YIPF1: variants seen among roughly 807,000 people sequenced by gnomAD.
YIPF1 encodes Yip1 domain family member 1.
YIPF1 carries 22 observed loss-of-function variants against 37.0 expected under a neutral mutation model. The ratio of observed to expected loss-of-function variants is 0.59; its 90% CI spans 0.42 to 0.85. YIPF1 has a LOEUF of 0.85. Among genes scored for constraint, YIPF1 ranks in the 40% least tolerant of loss-of-function variants. YIPF1 has a pLI of 0.00. For synonymous variants in YIPF1, 128 were observed against 131.9 expected, an observed-to-expected ratio of 0.97 and a Z score of 0.21; for missense variants, 355 against 373.1, an observed-to-expected ratio of 0.95 and a Z score of 0.40.
chr1:53,851,875 G>C lies in YIPF1; in HGVS notation c.*404C>G, dbSNP rs1276141662. ...CAGGATGGCTAACATTTGGAGAGAAGAGGATCCCCCAGGTAGTCTGTACAT... is the reference window on the plus strand; with the variant it reads ...CAGGATGGCTAACATTTGGAGAGAACAGGATCCCCCAGGTAGTCTGTACAT... On this transcript the variant is annotated 3_prime_UTR_variant, in exon 11 of 11. Transcript: ENST00000072644. 6.6e-6 allele frequency: 1 copy of C among 152,202 alleles called. No homozygotes were observed. Among genetic ancestry groups the C allele is most frequent in the East Asian group, 1.9e-4 (1 of 5,192 alleles). The allele number at this position is 152,202 out of a possible 1,614,324, so 9.4% of individuals were successfully genotyped here.
chr1:53,860,232 A>G (rs948223319), intron 9 of YIPF1, 79 bp from the exon 10 acceptor site: 3 of 1,376,936 alleles, frequency 2.2e-6, no homozygotes, highest in African/African-American at 1.4e-5. Context: ...CCATGCTAAC[A>G]GTACTTTTGG....
At chr1:53,876,636 T>C (rs533992183) in intron 6 of YIPF1, among the ~76,000 whole-genome samples, 2 of 152,302 alleles carry the variant, frequency 1.3e-5, no homozygotes, top group East Asian at 1.9e-4. Context: ...AGCTACAGTG[T>C]TGATTTGAAA....
At chr1:53,885,204 A>T (rs1441761732) in intron 3 of YIPF1, among the ~76,000 whole-genome samples, 1 of 152,240 alleles carries the variant, frequency 6.6e-6, no homozygotes, top group African/African-American at 2.4e-5. Context: ...TGAAATAATA[A>T]CTATCATTAC....
chr1:53,859,934 C>T lies in YIPF1; in HGVS notation c.*8+122G>A, dbSNP rs948213477. The T allele has an allele frequency of 8.5e-6, 8 of 939,610 alleles. No homozygotes were observed. In the African/African-American group the frequency reaches 1.3e-4, roughly 16 times the overall value. 58.2% of individuals were successfully genotyped at this position (939,610 alleles called of 1,614,324 possible). A position where few individuals can be genotyped will look rare whatever the true frequency, so the allele number is the denominator to read the frequency against. Reference sequence around the variant, plus strand: ...AGACATGCACATGCACAAACCCACGCTGAACTGTGCAGAAGGATGAAAGGG... The same window carrying T: ...AGACATGCACATGCACAAACCCACGTTGAACTGTGCAGAAGGATGAAAGGG... On this transcript the variant is annotated intron_variant, in intron 10 of 10. Transcript: ENST00000072644.
At chr1:53,879,607 G>T (rs1052681537) in intron 4 of YIPF1, among the ~76,000 whole-genome samples, 1 of 152,204 alleles carries the variant, frequency 6.6e-6, no homozygotes, top group Non-Finnish European at 1.5e-5. Flanking sequence ...CCCAATGCCA[G>T]GAATTGTGCC....
chr1:53,870,178 TTTTTTTTTTTTG>T (rs1650147999), intron 7 of YIPF1, among the ~76,000 whole-genome samples: 1 of 130,910 alleles, frequency 7.6e-6, no homozygotes, highest in Non-Finnish European at 1.6e-5. Context: ...TTTTTTTTTT[TTTTTTTTTTTTG>T]AGACAGTGAC....
At chr1:53,886,111 G>A (rs1472279864) in intron 3 of YIPF1, among the ~76,000 whole-genome samples, 5 of 151,936 alleles carry the variant, frequency 3.3e-5, no homozygotes, top group Non-Finnish European at 5.9e-5. Flanking sequence ...CAAGGAGGGC[G>A]ATAACTCCTC....
intron 9 of YIPF1, among the ~76,000 whole-genome samples, chr1:53,865,507 T>A (rs779249583): frequency 2.6e-5 from 4 of 152,172 alleles, no homozygotes; most frequent in Non-Finnish European, 5.9e-5. Flanking sequence ...GTAAAGCACA[T>A]AGGAGGATGT....
rs1315082576 is a variant in YIPF1 at position 53,886,269 on chromosome 1, C to T, written c.31+2638G>A. Among the ~76,000 whole-genome samples, 7 of 151,828 alleles carry T rather than the reference C, an allele frequency of 4.6e-5. 1 individual carries two copies. The highest frequency in any genetic ancestry group is 3.9e-4 in the East Asian group (2 of 5,194). On this transcript the variant is annotated intron_variant, in intron 3 of 10. Transcript: ENST00000072644. Reference sequence around the variant, plus strand: ...TGTGCCCGTGATGGAGGGACAGTGACGGCATAGTTTGACTGGAGTGTGGGC... The same window carrying T: ...TGTGCCCGTGATGGAGGGACAGTGATGGCATAGTTTGACTGGAGTGTGGGC...
chr1:53,861,134 GAA>G lies in YIPF1; in HGVS notation c.832-983_832-982del, dbSNP rs1287956296. Among the ~76,000 whole-genome samples the G allele has an allele frequency of 6.6e-5, 10 of 152,238 alleles. No individual in the cohort carries two copies. In the East Asian group the frequency reaches 1.7e-3, roughly 26 times the overall value. The stretch of plus-strand genomic sequence containing the variant: ...TTGCTATTCCATGTTAACTCTTTTT[GAA>G]AAGTTTCCAGATGATGTCTTTCTCT... On this transcript the variant is annotated intron_variant, in intron 9 of 10. Coordinates refer to ENST00000072644, the MANE Select transcript of YIPF1 (RefSeq NM_018982.5).
intron 4 of YIPF1, 198 bp downstream of exon 4, chr1:53,882,915 C>T (rs576974124): frequency 8.3e-6 from 4 of 484,458 alleles, no homozygotes; most frequent in African/African-American, 6.1e-5. Context: ...CTCACTACCC[C>T]AGTGTTCCCC....
intron 10 of YIPF1, among the ~76,000 whole-genome samples, chr1:53,856,883 C>T (rs1420961925): frequency 6.6e-6 from 1 of 152,172 alleles, no homozygotes; most frequent in Non-Finnish European, 1.5e-5. Context: ...ATTGCCTCCC[C>T]TAGAAGGTAG....
At chr1:53,876,109 A>G (rs1372921788) in intron 6 of YIPF1, among the ~76,000 whole-genome samples, 1 of 152,214 alleles carries the variant, frequency 6.6e-6, no homozygotes, top group Admixed American at 6.5e-5. Context: ...TAAAATAATG[A>G]GCATAAATAA....
rs190635823 is a variant in YIPF1, at chr1:53,880,240, T to C, written c.196-1518A>G. 2.1e-3 allele frequency among the ~76,000 whole-genome samples: 326 copies of C among 151,970 alleles called. 1 individual carries two copies. Among genetic ancestry groups the C allele is most frequent in the Middle Eastern group, 6.8e-3 (2 of 294 alleles). ...AGGATACAAAATCAATGTGCAAAAATTGTTAGTATTCCTATACACCGACAA... is the reference window on the plus strand; with the variant it reads ...AGGATACAAAATCAATGTGCAAAAACTGTTAGTATTCCTATACACCGACAA... On this transcript the variant is annotated intron_variant, in intron 4 of 10. Transcript: ENST00000072644.
chr1:53,873,261 A>G (rs1029726066), intron 6 of YIPF1, among the ~76,000 whole-genome samples: 2 of 152,188 alleles, frequency 1.3e-5, no homozygotes, highest in African/African-American at 4.8e-5. Flanking sequence ...CTATGGGAGC[A>G]TATAGGGAAG....
chr1:53,867,419 C>T (rs1158817377), intron 7 of YIPF1, among the ~76,000 whole-genome samples: 1 of 135,470 alleles, frequency 7.4e-6, no homozygotes, highest in Non-Finnish European at 1.5e-5. Context: ...GTCGCCCAGG[C>T]TGGAGTGCAG....
At chr1:53,863,843 G>A (rs755039451) in intron 9 of YIPF1, among the ~76,000 whole-genome samples, 7 of 152,018 alleles carry the variant, frequency 4.6e-5, no homozygotes, top group Non-Finnish European at 8.8e-5. Flanking sequence ...AGGCTCAAGC[G>A]ATTCTCACAC....
chr1:53,867,031 C>T (rs1650048809), intron 7 of YIPF1, 107 bp from the exon 8 acceptor site: 5 of 1,318,158 alleles, frequency 3.8e-6, no homozygotes, highest in South Asian at 3.0e-5. Context: ...CAATTGACTT[C>T]AGTGGACCAC....
chr1:53,866,458 G>T, intron 8 of YIPF1, 76 bp from the exon 9 acceptor site: 2 of 1,479,626 alleles, frequency 1.4e-6, no homozygotes, highest in Non-Finnish European at 1.8e-6. Context: ...GTTTACAAAG[G>T]CCCCTGAGCC....
Sources: allele counts gnomAD v4.1 joint callset (sites outside exome capture counted in the v4.1 genomes callset), GRCh38; gene constraint gnomAD v4.1.1; transcripts MANE v1.5; gene names NCBI Gene and HGNC (gene_info 2026-07-23, HGNC 2026-07-21).